Variants in TLN2 observed in about 807,000 individuals in gnomAD.
The protein encoded by TLN2 is talin-2.
Under a neutral mutation model 294.7 loss-of-function variants are expected in TLN2, and 118 were observed. The ratio of observed to expected loss-of-function variants is 0.40; its 90% CI spans 0.34 to 0.47. The LOEUF is 0.47. TLN2 is among the 20% of genes least tolerant of loss of function. The pLI, the probability that TLN2 is intolerant of heterozygous loss-of-function variation, is 0.84. For synonymous variants in TLN2, 1,431 were observed against 1,304.5 expected (o/e 1.10, Z -2.09); for missense variants, 3,083 against 3,282.2 (o/e 0.94, Z 1.48).
At chr15:62,770,088 G>C (rs1292434320) in intron 41 of TLN2, among the ~76,000 whole-genome samples, 1 of 152,246 alleles carries the variant, frequency 6.6e-6, no homozygotes, top group Non-Finnish European at 1.5e-5. Context: ...GACTGTGGCA[G>C]CTGAGAGCCA....
intron 1 of TLN2, among the ~76,000 whole-genome samples, chr15:62,461,713 A>G (rs1176121552): frequency 6.6e-6 from 1 of 152,226 alleles, no homozygotes; most frequent in Non-Finnish European, 1.5e-5. Context: ...TCGACATTTC[A>G]GCGAGGGCTT....
At chr15:62,622,229 GACTC>G (rs1233186708) in intron 3 of TLN2, among the ~76,000 whole-genome samples, 1 of 152,102 alleles carries the variant, frequency 6.6e-6, no homozygotes, top group Non-Finnish European at 1.5e-5. Context: ...AAATTAAAAC[GACTC>G]ACTCCAGGTG....
intron 54 of TLN2, among the ~76,000 whole-genome samples, chr15:62,823,557 T>G (rs1299612763): frequency 6.6e-6 from 1 of 152,190 alleles, no homozygotes; most frequent in Non-Finnish European, 1.5e-5. Flanking sequence ...GTATTCACAC[T>G]GCTTTCAGGA....
chr15:62,698,692 A>G (rs1263228240), intron 15 of TLN2, 62 bp from the exon 16 acceptor site: 17 of 1,410,472 alleles, frequency 1.2e-5, no homozygotes, highest in East Asian at 2.3e-5. Context: ...TTTGTTTTGC[A>G]TAAAGGGCCA....
intron 39 of TLN2, 78 bp downstream of exon 39, chr15:62,762,531 A>G: frequency 6.9e-7 from 1 of 1,458,196 alleles, no homozygotes; most frequent in South Asian, 1.2e-5. Context: ...CAGGCTTTTT[A>G]CTTAATAGTG....
intron 1 of TLN2, among the ~76,000 whole-genome samples, chr15:62,515,623 C>T (rs1193327176): frequency 2.0e-5 from 3 of 152,188 alleles, no homozygotes; most frequent in Non-Finnish European, 2.9e-5. Context: ...AGACATACTA[C>T]CAGTGACTAA....
chr15:62,434,362 C>A (rs2035179117), intron 1 of TLN2, among the ~76,000 whole-genome samples: 1 of 152,136 alleles, frequency 6.6e-6, no homozygotes, highest in South Asian at 2.1e-4. Flanking sequence ...TAGCCTCATT[C>A]TTTTTTAACA....
At chr15:62,698,931 T>A (rs1024916256) in intron 16 of TLN2, 64 bp downstream of exon 16, 5 of 1,441,024 alleles carry the variant, frequency 3.5e-6, no homozygotes, top group Admixed American at 1.9e-5. Flanking sequence ...GGTTATATAC[T>A]CTGTCGGGAT....
chr15:62,407,872 A>G (rs1337186319), intron 1 of TLN2, among the ~76,000 whole-genome samples: 1 of 152,120 alleles, frequency 6.6e-6, no homozygotes, highest in Non-Finnish European at 1.5e-5. Flanking sequence ...CTAAGATCAC[A>G]CCACAATACT....
chr15:62,585,028 G>C (rs2045473866), intron 1 of TLN2, among the ~76,000 whole-genome samples: 1 of 152,162 alleles, frequency 6.6e-6, no homozygotes, highest in African/African-American at 2.4e-5. Flanking sequence ...TGATGTCAGG[G>C]CAAAGCCTGA....
chr15:62,640,501 G>A (rs2140912406), intron 3 of TLN2: 1 of 377,798 alleles, frequency 2.6e-6, no homozygotes, highest in African/African-American at 2.1e-5. Context: ...AGTGTGCAGA[G>A]CCCCCATTGT....
chr15:62,583,139 GTTATT>G (rs2045286672), intron 1 of TLN2, among the ~76,000 whole-genome samples: 2 of 152,126 alleles, frequency 1.3e-5, no homozygotes, highest in Admixed American at 6.5e-5. Flanking sequence ...ACATCTCAGG[GTTATT>G]TTAAACATTA....
intron 36 of TLN2, chr15:62,755,215 AG>A: frequency 4.4e-6 from 1 of 228,684 alleles, no homozygotes; most frequent in Admixed American, 5.5e-5. Context: ...ACCTTGGTCT[AG>A]ATGCTATACC....
chr15:62,801,342 C>T (rs2065913892), intron 50 of TLN2, among the ~76,000 whole-genome samples: 1 of 152,146 alleles, frequency 6.6e-6, no homozygotes, highest in South Asian at 2.1e-4. Flanking sequence ...GGAGTTACTG[C>T]AATGTGGATG....
intron 3 of TLN2, among the ~76,000 whole-genome samples, chr15:62,641,167 G>C (rs192944880): frequency 6.6e-6 from 1 of 152,240 alleles, no homozygotes; most frequent in Admixed American, 6.5e-5. Context: ...GACAGGAGTT[G>C]TACCTGTCTT....
intron 1 of TLN2, among the ~76,000 whole-genome samples, chr15:62,584,645 C>T (rs967466390): frequency 6.6e-6 from 1 of 152,202 alleles, no homozygotes; most frequent in Non-Finnish European, 1.5e-5. Flanking sequence ...CATTGGGCTA[C>T]ACTTCAAATT....
At chr15:62,498,001 A>C (rs2039098188) in intron 1 of TLN2, among the ~76,000 whole-genome samples, 1 of 151,878 alleles carries the variant, frequency 6.6e-6, no homozygotes, top group Non-Finnish European at 1.5e-5. Flanking sequence ...TAATCTCAGC[A>C]CTTTGGGAGG....
intron 23 of TLN2, 91 bp from the exon 24 acceptor site, chr15:62,717,485 A>G (rs2059853385): frequency 2.3e-6 from 2 of 859,746 alleles, no homozygotes; most frequent in East Asian, 3.2e-5. Context: ...TAGAGCCACA[A>G]ACCTGTCCTG....
chr15:62,765,694 C>T (rs2062954800), intron 40 of TLN2, among the ~76,000 whole-genome samples: 1 of 152,196 alleles, frequency 6.6e-6, no homozygotes, highest in South Asian at 2.1e-4. Flanking sequence ...TGTCTCTTTA[C>T]AGCATGATTC....
Sources: gnomAD v4.1 joint callset for allele counts (sites outside exome capture counted in the v4.1 genomes callset) on GRCh38, gnomAD v4.1.1 for gene constraint, MANE v1.5 for transcripts, NCBI Gene and HGNC (gene_info 2026-07-23, HGNC 2026-07-21) for gene names.